Variants in SPEF2 observed in about 807,000 individuals in gnomAD.
SPEF2 encodes sperm flagellar and cilia associated 2.
In SPEF2, 187 loss-of-function variants were observed where a neutral mutation model predicts 224.6. That is an observed-to-expected ratio of 0.83 (90% confidence interval 0.74 to 0.94). SPEF2 has a LOEUF of 0.94. SPEF2 is among the 40% of genes least tolerant of loss of function. The pLI, the probability that SPEF2 is intolerant of heterozygous loss-of-function variation, is 0.00. For synonymous variants in SPEF2, 715 were observed against 707.3 expected, an observed-to-expected ratio of 1.01 and a Z score of -0.17; for missense variants, 2,170 against 2,135.6, an observed-to-expected ratio of 1.02 and a Z score of -0.32.
rs369669103 is a variant in SPEF2, at chr5:35,691,152, G to A, written c.1640G>A (p.Arg547Gln). 4.9e-5 allele frequency: 79 copies of A among 1,613,844 alleles called. No homozygotes were observed. The highest frequency in any genetic ancestry group is 6.2e-5 in the Non-Finnish European group (73 of 1,179,952). The stretch of plus-strand genomic sequence containing the variant: ...CTAGCTGAAAAATCTCTTCCTCCTC[G>A]AGCGGAATCAACAACACCTGAATTA... ...HRLAEKSLPP[R>Q]AESTTPELPS... is the part of the protein sequence containing the mutation. Residue 547 changes from arginine to glutamine, a missense_variant, in exon 11 of 37, where the codon CGA becomes CAA. Arg to Gln is a conservative substitution (Grantham distance 43). Coordinates refer to ENST00000356031, the MANE Select transcript of SPEF2 (RefSeq NM_024867.4).
At position 35,806,765 on chromosome 5, in the gene SPEF2, C is replaced by T; in HGVS notation, c.5069C>T (p.Ala1690Val). ...TTTCCTGAACCTGAGGAAAATGCTG[C>T]AAGAGAAGAAAGGAAATTAAAAGAC... is the stretch of plus-strand genomic sequence containing the variant. The part of the protein sequence containing the change: ...EEFPEPEENA[A>V]REERKLKDDT... Residue 1690 changes from alanine to valine, a missense_variant, in exon 35 of 37, where the codon GCA becomes GTA. By Grantham distance (64) the Ala-to-Val change is moderately conservative (BLOSUM62 0). Transcript: ENST00000356031. 1 of 1,613,750 alleles carries T rather than the reference C, an allele frequency of 6.2e-7. No homozygotes were observed. The highest frequency in any genetic ancestry group is 8.5e-7 in the Non-Finnish European group (1 of 1,179,936).
intron 8 of SPEF2, 88 bp from the exon 9 acceptor site, chr5:35,666,984 C>G: frequency 7.9e-7 from 1 of 1,269,878 alleles, no homozygotes; most frequent in South Asian, 1.5e-5. Flanking sequence ...TTTCATTCTA[C>G]TGAAAGACTT....
At chr5:35,630,588 C>T (rs1184925402) in intron 2 of SPEF2, among the ~76,000 whole-genome samples, 1 of 152,018 alleles carries the variant, frequency 6.6e-6, no homozygotes, top group Non-Finnish European at 1.5e-5. Flanking sequence ...CCCAGCTACT[C>T]GTGAGGCTGA....
intron 7 of SPEF2, among the ~76,000 whole-genome samples, chr5:35,658,183 A>G (rs1749208767): frequency 6.6e-6 from 1 of 152,190 alleles, no homozygotes; most frequent in South Asian, 2.1e-4. Flanking sequence ...CGAGAAACTG[A>G]GTTAATTGCC....
intron 20 of SPEF2, among the ~76,000 whole-genome samples, chr5:35,721,477 C>T (rs1341439407): frequency 6.6e-6 from 1 of 152,124 alleles, no homozygotes; most frequent in African/African-American, 2.4e-5. Context: ...CAGACCTTAC[C>T]AATTGTGAAG....
intron 10 of SPEF2, among the ~76,000 whole-genome samples, chr5:35,673,776 CA>C (rs1314869888): frequency 3.3e-5 from 5 of 152,120 alleles, no homozygotes; most frequent in Admixed American, 1.3e-4. Flanking sequence ...TTTTTATTAA[CA>C]TTATTTTTGG....
intron 2 of SPEF2, among the ~76,000 whole-genome samples, chr5:35,630,682 C>T (rs406830): frequency 0.12 from 17,573 of 151,814 alleles, 2,263 homozygotes; most frequent in African/African-American, 0.32. Flanking sequence ...GGCAGCAGAG[C>T]GAGACTCCGT....
intron 22 of SPEF2, 24 bp from the exon 23 acceptor site, chr5:35,740,105 A>G (rs1439573798): frequency 1.2e-6 from 2 of 1,613,928 alleles, no homozygotes; most frequent in African/African-American, 2.7e-5. Flanking sequence ...TATAAAATTT[A>G]TCTCATTCTA....
intron 8 of SPEF2, among the ~76,000 whole-genome samples, chr5:35,664,998 G>A (rs1750275630): frequency 6.6e-6 from 1 of 152,048 alleles, no homozygotes; most frequent in South Asian, 2.1e-4. Flanking sequence ...AAATTTCTGT[G>A]CTACCTACTA....
In SPEF2 at chr5:35,692,823, G is replaced by A. The variant is rs150300973; in HGVS notation, c.1899+99G>A. ...CTTCTCTAGACCAGAAGTTTCTTCT[G>A]TACAGACCCAGAGAGTAAAAGTTTA... On this transcript the variant is annotated intron_variant, in intron 12 of 36. Coordinates refer to ENST00000356031, the MANE Select transcript of SPEF2 (RefSeq NM_024867.4). The A allele has an allele frequency of 2.3e-4, 255 of 1,104,000 alleles. 2 individuals are homozygous for A. The East Asian group carries it at 6.2e-3, about 27-fold the overall frequency. The allele number at this position is 1,104,000 out of a possible 1,614,324, so 68.4% of individuals were successfully genotyped here.
intron 34 of SPEF2, 27 bp downstream of exon 34, chr5:35,800,174 C>CT: frequency 6.2e-7 from 1 of 1,610,634 alleles, no homozygotes; most frequent in Non-Finnish European, 8.5e-7. Flanking sequence ...AATAGACTAA[C>CT]TATAGAGTCT....
intron 20 of SPEF2, 24 bp downstream of exon 20, chr5:35,712,910 A>G: frequency 6.3e-7 from 1 of 1,588,214 alleles, no homozygotes; most frequent in Non-Finnish European, 8.6e-7. Flanking sequence ...AAATATATAT[A>G]ATTACATGTA....
intron 21 of SPEF2, among the ~76,000 whole-genome samples, chr5:35,739,337 G>T (rs1241330409): frequency 2.0e-5 from 3 of 152,160 alleles, no homozygotes; most frequent in African/African-American, 7.2e-5. Context: ...CAGAACCTCA[G>T]TGGATGACCT....
At chr5:35,638,386 C>T (rs1239991691) in intron 2 of SPEF2, among the ~76,000 whole-genome samples, 1 of 152,048 alleles carries the variant, frequency 6.6e-6, no homozygotes, top group Non-Finnish European at 1.5e-5. Context: ...ACCTTTCCAG[C>T]CACATTTCCC....
chr5:35,664,098 C>G (rs1236213422), intron 8 of SPEF2, among the ~76,000 whole-genome samples: 3 of 152,062 alleles, frequency 2.0e-5, no homozygotes, highest in African/African-American at 7.2e-5. Flanking sequence ...TTTCAAAGCT[C>G]CATGCATATG....
chr5:35,701,199 C>A (rs539633240), intron 16 of SPEF2, among the ~76,000 whole-genome samples: 10 of 152,314 alleles, frequency 6.6e-5, no homozygotes, highest in Middle Eastern at 3.4e-3. Flanking sequence ...GAAAACTTCA[C>A]ATGATGGGTG....
At chr5:35,709,856 G>GT in intron 19 of SPEF2, 4 of 985,370 alleles carry the variant, frequency 4.1e-6, no homozygotes, top group Non-Finnish European at 4.8e-6. Flanking sequence ...TGAGGCTCTG[G>GT]TTTCTAGTTT....
chr5:35,618,155 G>T lies in SPEF2; in HGVS notation c.58+100G>T. On this transcript the variant is annotated intron_variant, in intron 1 of 36. Coordinates refer to ENST00000356031, the MANE Select transcript of SPEF2 (RefSeq NM_024867.4). Reference sequence around the variant, plus strand: ...TCAGGGAAGGTGGCGGGCAGGGCGCGAGCTGCACAGGTGGGGCACCTGCGT... The same window carrying T: ...TCAGGGAAGGTGGCGGGCAGGGCGCTAGCTGCACAGGTGGGGCACCTGCGT... 3 of 1,324,118 alleles carry T rather than the reference G, an allele frequency of 2.3e-6. No homozygotes were observed. In the East Asian group the frequency reaches 7.5e-5, roughly 33 times the overall value. The allele number at this position is 1,324,118 out of a possible 1,614,324, so 82.0% of individuals were successfully genotyped here.
At chr5:35,622,063 T>C (rs1743594969) in intron 1 of SPEF2, among the ~76,000 whole-genome samples, 1 of 152,216 alleles carries the variant, frequency 6.6e-6, no homozygotes, top group African/African-American at 2.4e-5. Flanking sequence ...TAGGATATAT[T>C]AATCATTGCT....
Sources: allele counts gnomAD v4.1 joint callset (sites outside exome capture counted in the v4.1 genomes callset), GRCh38; gene constraint gnomAD v4.1.1; transcripts MANE v1.5; gene names NCBI Gene and HGNC (gene_info 2026-07-23, HGNC 2026-07-21).